HEG1: variants seen among roughly 807,000 people sequenced by gnomAD.
HEG1 encodes the protein heart development protein with EGF like domains 1, also known as protein HEG homolog 1.
A neutral mutation model predicts 125.6 loss-of-function variants in HEG1; 56 were observed. That is an observed-to-expected ratio of 0.45 (90% CI 0.36 to 0.56). The LOEUF (loss-of-function observed/expected upper bound fraction) is 0.56. Ranked by LOEUF, HEG1 falls within the 20% of genes least tolerant of loss-of-function variation. The pLI, the probability that HEG1 is intolerant of heterozygous loss-of-function variation, is 0.00. For synonymous variants in HEG1, 644 were observed against 668.5 expected (o/e 0.96, Z 0.57); for missense variants, 1,523 against 1,670.0 (o/e 0.91, Z 1.53).
chr3:125,029,249 C>G lies in HEG1; in HGVS notation c.556G>C (p.Val186Leu). Residue 186 changes from valine (V) to leucine (L), a missense_variant, in exon 2 of 17, where the codon GTT becomes CTT. By Grantham distance (32) the Val-to-Leu change is conservative. Coordinates refer to ENST00000311127, the MANE Select transcript of HEG1 (RefSeq NM_020733.2). Reference protein sequence around the residue: ...SSRTNFTILPVGYSLEIATAL... With the variant: ...SSRTNFTILPLGYSLEIATAL... ...GTTGCTATCTCCAGTGAGTACCCAACAGGCAAAATGGTGAAGTTTGTTCTA... is the reference window on the plus strand; with the variant it reads ...GTTGCTATCTCCAGTGAGTACCCAAGAGGCAAAATGGTGAAGTTTGTTCTA... 1 of 1,613,548 alleles carries G rather than the reference C, an allele frequency of 6.2e-7. No individual in the cohort carries two copies. The highest frequency in any genetic ancestry group is 1.1e-5 in the South Asian group (1 of 90,926).
intron 1 of HEG1, among the ~76,000 whole-genome samples, chr3:125,041,170 C>G (rs975664624): frequency 6.6e-6 from 1 of 152,128 alleles, no homozygotes; most frequent in Non-Finnish European, 1.5e-5. Context: ...TGATTTCCGG[C>G]GTGTGGCAAG....
intron 14 of HEG1, among the ~76,000 whole-genome samples, chr3:124,985,801 A>G (rs1936728563): frequency 1.3e-5 from 2 of 152,230 alleles, no homozygotes; most frequent in South Asian, 4.2e-4. Context: ...ATTTTTTGAG[A>G]CAGTCTTGCT....
chr3:125,038,677 T>C (rs183074371), intron 1 of HEG1, among the ~76,000 whole-genome samples: 6 of 152,298 alleles, frequency 3.9e-5, no homozygotes, highest in Non-Finnish European at 7.4e-5. Context: ...GAATTCTGTT[T>C]AGGGCATGGC....
chr3:124,988,715 G>A (rs1389130251), intron 14 of HEG1, among the ~76,000 whole-genome samples: 6 of 152,038 alleles, frequency 3.9e-5, no homozygotes, highest in East Asian at 1.9e-4. Flanking sequence ...TCAAGAGATC[G>A]GGACCATCCT....
At chr3:125,022,652 CTAAA>C (rs1937352055) in intron 3 of HEG1, among the ~76,000 whole-genome samples, 2 of 149,084 alleles carry the variant, frequency 1.3e-5, no homozygotes. Context: ...ATAAACCAAA[CTAAA>C]CAAAACAAAC....
intron 1 of HEG1, among the ~76,000 whole-genome samples, chr3:125,033,316 T>C (rs1937516881): frequency 6.6e-6 from 1 of 152,102 alleles, no homozygotes; most frequent in Non-Finnish European, 1.5e-5. Context: ...ACCTTGAATT[T>C]CTGTTCTGAT....
chr3:125,041,196 T>A (rs1190955961), intron 1 of HEG1, among the ~76,000 whole-genome samples: 3 of 152,212 alleles, frequency 2.0e-5, no homozygotes, highest in African/African-American at 7.2e-5. Flanking sequence ...CTGACTAGCA[T>A]CCATACTGCT....
chr3:124,990,692 G>A lies in HEG1; in HGVS notation c.3733+95C>T, dbSNP rs1005560135. ...CATAGAACCTAAGAAGACAGCAGGT[G>A]TGAACTGAGGGAAGTGGGAGGAGAC... On this transcript the variant is annotated intron_variant, in intron 14 of 16. Coordinates refer to ENST00000311127, the MANE Select transcript of HEG1 (RefSeq NM_020733.2). 13 of 1,196,598 alleles carry A rather than the reference G, an allele frequency of 1.1e-5. No individual in the cohort carries two copies. The African/African-American group carries it at 1.7e-4, about 16-fold the overall frequency. The allele number at this position is 1,196,598 out of a possible 1,614,324, so 74.1% of individuals were successfully genotyped here.
At chr3:125,019,185 T>C (rs1937297094) in intron 5 of HEG1, 77 bp downstream of exon 5, 1 of 1,293,334 alleles carries the variant, frequency 7.7e-7, no homozygotes, top group South Asian at 1.4e-5. Context: ...GTGGTTTTAA[T>C]ACGCCACAGA....
intron 1 of HEG1, among the ~76,000 whole-genome samples, chr3:125,047,789 G>T (rs1205130770): frequency 1.3e-5 from 2 of 152,136 alleles, no homozygotes; most frequent in Non-Finnish European, 2.9e-5. Context: ...CAGATGACAA[G>T]CAGGTGTCTC....
intron 4 of HEG1, among the ~76,000 whole-genome samples, chr3:125,020,353 G>A (rs1560028043): frequency 6.6e-6 from 1 of 152,216 alleles, no homozygotes; most frequent in Non-Finnish European, 1.5e-5. Context: ...TGAGCCTGGA[G>A]AGGTTGAGGC....
chr3:125,032,249 G>T (rs1289844624), intron 1 of HEG1, among the ~76,000 whole-genome samples: 1 of 152,196 alleles, frequency 6.6e-6, no homozygotes, highest in Non-Finnish European at 1.5e-5. Context: ...CCTTCTAGAA[G>T]CAGTGGCTCA....
intron 3 of HEG1, among the ~76,000 whole-genome samples, chr3:125,026,438 C>T (rs1937415619): frequency 6.6e-6 from 1 of 152,100 alleles, no homozygotes; most frequent in Non-Finnish European, 1.5e-5. Flanking sequence ...AATCCCTGAG[C>T]TGAGACTTAA....
chr3:124,972,791 AGGTTAAATTCAATATG>A (rs1185535131), intron 16 of HEG1, among the ~76,000 whole-genome samples: 3 of 152,204 alleles, frequency 2.0e-5, no homozygotes, highest in African/African-American at 7.2e-5. Flanking sequence ...AATATGACAC[AGGTTAAATTCAATATG>A]GGAGAAAGGC....
chr3:125,036,276 A>ACAAAATT (rs1937546994), intron 1 of HEG1, among the ~76,000 whole-genome samples: 1 of 151,554 alleles, frequency 6.6e-6, no homozygotes, highest in Non-Finnish European at 1.5e-5. Context: ...TTGGAATGAT[A>ACAAAATT]CAAAATTGTC....
At chr3:124,994,396 A>G (rs1326872183) in intron 12 of HEG1, among the ~76,000 whole-genome samples, 1 of 152,246 alleles carries the variant, frequency 6.6e-6, no homozygotes, top group African/African-American at 2.4e-5. Flanking sequence ...GATGAAATGA[A>G]TTTGGCAACA....
chr3:125,013,800 A>G lies in HEG1; in HGVS notation c.1779T>C (p.Ser593=). 6.2e-7 allele frequency: 1 copy of G among 1,613,854 alleles called. No individual in the cohort carries two copies. Among genetic ancestry groups the G allele is most frequent in the Non-Finnish European group, 8.5e-7 (1 of 1,179,766 alleles). The change falls in exon 6 of 17, where the codon TCT becomes TCC. Residue 593 remains serine (S), a synonymous_variant. Transcript: ENST00000311127. The part of the protein sequence containing the change: ...SSTSYIKISN[S]SHSEYSSFFH... ...AAAAGGAGGAATACTCTGAATGTGAAGAGTTTGAGATTTTAATATAAGAAG... is the reference window on the plus strand; with the variant it reads ...AAAAGGAGGAATACTCTGAATGTGAGGAGTTTGAGATTTTAATATAAGAAG...
chr3:124,991,078 A>C, intron 12 of HEG1, 92 bp from the exon 13 acceptor site: 1 of 923,868 alleles, frequency 1.1e-6, no homozygotes. Flanking sequence ...AGTCCACAAG[A>C]TTATTCTAGT....
intron 4 of HEG1, among the ~76,000 whole-genome samples, 158 bp downstream of exon 4, chr3:125,020,634 T>C (rs181353115): frequency 2.0e-5 from 3 of 152,288 alleles, no homozygotes; most frequent in African/African-American, 4.8e-5. Flanking sequence ...TCTGACTAAC[T>C]TCACAATGTT....
Sources: gnomAD v4.1 joint callset for allele counts (sites outside exome capture counted in the v4.1 genomes callset) on GRCh38, gnomAD v4.1.1 for gene constraint, MANE v1.5 for transcripts, NCBI Gene and HGNC (gene_info 2026-07-23, HGNC 2026-07-21) for gene names.